TNIK: variants seen among roughly 807,000 people sequenced by gnomAD.
TNIK encodes TRAF2 and NCK-interacting protein kinase.
In TNIK, 49 loss-of-function variants were observed where a neutral mutation model predicts 191.3. The ratio of observed to expected loss-of-function variants is 0.26; its 90% CI spans 0.20 to 0.32. The LOEUF (loss-of-function observed/expected upper bound fraction) is 0.32. TNIK is among the 10% of genes least tolerant of loss of function. The pLI is 1.00. For synonymous variants in TNIK, 594 were observed against 600.9 expected (o/e 0.99, Z 0.17); for missense variants, 1,155 against 1,702.3 (o/e 0.68, Z 5.66).
At chr3:171,355,379 A>G (rs1168831865) in intron 2 of TNIK, among the ~76,000 whole-genome samples, 1 of 152,230 alleles carries the variant, frequency 6.6e-6, no homozygotes, top group Non-Finnish European at 1.5e-5. Flanking sequence ...GTGTCTCTTC[A>G]TAAGTTCACA....
At chr3:171,082,771 T>G (rs1720854674) in intron 26 of TNIK, 1 of 180,614 alleles carries the variant, frequency 5.5e-6, no homozygotes, top group African/African-American at 2.4e-5. Context: ...TTCCCCAAGA[T>G]TCACCCCCAC....
intron 1 of TNIK, among the ~76,000 whole-genome samples, chr3:171,438,457 A>G (rs1726313784): frequency 6.6e-6 from 1 of 152,268 alleles, no homozygotes; most frequent in African/African-American, 2.4e-5. Context: ...GGATCCAAAC[A>G]CGATGACTCC....
chr3:171,182,110 A>G (rs1736722132), intron 7 of TNIK, among the ~76,000 whole-genome samples: 1 of 150,898 alleles, frequency 6.6e-6, no homozygotes, highest in Non-Finnish European at 1.5e-5. Context: ...CTGCTAAGTC[A>G]CATGACCTAG....
At chr3:171,111,007 T>C in intron 18 of TNIK, 130 bp from the exon 19 acceptor site, 2 of 905,484 alleles carry the variant, frequency 2.2e-6, no homozygotes, top group Non-Finnish European at 3.0e-6. Flanking sequence ...AGAAAACGAA[T>C]AACCCAATTA....
chr3:171,226,031 TGTTTACAC>T (rs1560287806), intron 3 of TNIK, among the ~76,000 whole-genome samples: 1 of 152,198 alleles, frequency 6.6e-6, no homozygotes, highest in East Asian at 1.9e-4. Context: ...CTTTGTAAAA[TGTTTACAC>T]GTTTATAATG....
At chr3:171,323,286 T>C (rs1462264497) in intron 2 of TNIK, among the ~76,000 whole-genome samples, 2 of 152,202 alleles carry the variant, frequency 1.3e-5, no homozygotes, top group Non-Finnish European at 2.9e-5. Context: ...TGGGTAAAGA[T>C]GACAGAAGTA....
intron 2 of TNIK, among the ~76,000 whole-genome samples, chr3:171,305,586 A>G (rs1377985220): frequency 6.6e-6 from 1 of 152,228 alleles, no homozygotes; most frequent in East Asian, 1.9e-4. Flanking sequence ...AAGAAGATAT[A>G]CATGTGGCCA....
At chr3:171,415,998 G>GAAAAAAAAAAA (rs58082222) in intron 1 of TNIK, among the ~76,000 whole-genome samples, 1 of 86,674 alleles carries the variant, frequency 1.2e-5, no homozygotes, top group Non-Finnish European at 2.1e-5. Flanking sequence ...AAAAAAAAAA[G>GAAAAAAAAAAA]AAAGAAAAAG....
chr3:171,446,559 T>C (rs553503682), intron 1 of TNIK, among the ~76,000 whole-genome samples: 1 of 152,236 alleles, frequency 6.6e-6, no homozygotes, highest in East Asian at 1.9e-4. Context: ...GTTTCTTACT[T>C]ATAAACCAGG....
At chr3:171,398,852 G>A (rs1173985094) in intron 1 of TNIK, among the ~76,000 whole-genome samples, 1 of 152,054 alleles carries the variant, frequency 6.6e-6, no homozygotes, top group African/African-American at 2.4e-5. Flanking sequence ...CCCTCCGTAC[G>A]AAAGAAATAA....
At chr3:171,431,473 G>A (rs1307101170) in intron 1 of TNIK, among the ~76,000 whole-genome samples, 2 of 151,974 alleles carry the variant, frequency 1.3e-5, no homozygotes, top group African/African-American at 2.4e-5. Context: ...TAATTCCTCT[G>A]AGTGAAGATT....
At chr3:171,128,643 C>T in intron 16 of TNIK, 71 bp downstream of exon 16, 1 of 1,502,402 alleles carries the variant, frequency 6.7e-7, no homozygotes, top group Non-Finnish European at 8.9e-7. Context: ...GTTACAATTC[C>T]CTAGGCTTTT....
rs748077043 is a variant in TNIK, at chr3:171,157,549, G to A, written c.1132C>T (p.Arg378Trp). 1.4e-5 allele frequency: 22 copies of A among 1,563,312 alleles called. No individual in the cohort carries two copies. Among genetic ancestry groups the A allele is most frequent in the Non-Finnish European group, 1.7e-5 (20 of 1,154,134 alleles). Residue 378 changes from arginine (R) to tryptophan (W), a missense_variant, in exon 12 of 33, where the codon CGG (arginine) becomes TGG (tryptophan). Transcript: ENST00000436636. ...LRRQQLEQQQRENEEHKRQLL... is the reference protein window; with the variant it reads ...LRRQQLEQQQWENEEHKRQLL... Reference sequence around the variant, plus strand: ...TGCCGCTTGTGCTCCTCATTCTCCCGCTGCTGCTGCTCCAGCTGCTGCCTC... The same window carrying A: ...TGCCGCTTGTGCTCCTCATTCTCCCACTGCTGCTGCTCCAGCTGCTGCCTC...
Position 171,385,640 on chromosome 3 carries a change from A to G in TNIK, c.58-15955T>C, listed in dbSNP as rs749344805. Among the ~76,000 whole-genome samples, 44 of 152,318 alleles carry G rather than the reference A, an allele frequency of 2.9e-4. 1 individual carries two copies. Among genetic ancestry groups the G allele is most frequent in the South Asian group, 2.1e-4 (1 of 4,826 alleles). ...CCAAGCTAGACTTTAAAATACCTGC[A>G]GGATTTGGGTACACAGACAGAGATA... On this transcript the variant is annotated intron_variant, in intron 1 of 32. Transcript: ENST00000436636.
chr3:171,285,528 GTT>G (rs2108213765), intron 2 of TNIK, among the ~76,000 whole-genome samples: 1 of 152,332 alleles, frequency 6.6e-6, no homozygotes, highest in South Asian at 2.1e-4. Context: ...ACTCAGGACT[GTT>G]TTCTCACCTA....
chr3:171,193,510 G>A (rs1738306898), intron 5 of TNIK, among the ~76,000 whole-genome samples: 1 of 152,158 alleles, frequency 6.6e-6, no homozygotes, highest in African/African-American at 2.4e-5. Context: ...TTTCAGGATA[G>A]AAGTCATTCA....
intron 22 of TNIK, among the ~76,000 whole-genome samples, chr3:171,096,119 G>T (rs1722681179): frequency 6.6e-6 from 1 of 152,144 alleles, no homozygotes; most frequent in Admixed American, 6.5e-5. Flanking sequence ...CATGAGGGCA[G>T]CCACTTTTCT....
At chr3:171,374,696 T>C (rs4894571) in intron 1 of TNIK, among the ~76,000 whole-genome samples, 136,149 of 152,280 alleles carry the variant, frequency 0.89, 61,005 homozygotes, top group East Asian at 0.99. Context: ...TATCAAAAGG[T>C]AGACTATTCC....
chr3:171,439,138 A>G (rs1726421296), intron 1 of TNIK, among the ~76,000 whole-genome samples: 2 of 152,068 alleles, frequency 1.3e-5, no homozygotes, highest in Non-Finnish European at 2.9e-5. Context: ...AGGTCAGGAG[A>G]TCGAAACCAT....
Sources: allele counts gnomAD v4.1 joint callset (sites outside exome capture counted in the v4.1 genomes callset), GRCh38; gene constraint gnomAD v4.1.1; transcripts MANE v1.5; gene names NCBI Gene and HGNC (gene_info 2026-07-23, HGNC 2026-07-21).